The following ABL1 variants were observed in gnomAD, a reference collection of about 807,000 sequenced individuals.
ABL1 encodes tyrosine-protein kinase ABL1.
Under a neutral mutation model 94.7 loss-of-function variants are expected in ABL1, and 11 were observed. The observed-to-expected ratio is 0.12, with a 90% confidence interval of 0.07 to 0.19. The LOEUF (loss-of-function observed/expected upper bound fraction) is 0.19. ABL1 is among the 10% of genes least tolerant of loss of function. The probability of loss-of-function intolerance (pLI) is 1.00; values close to 1 mark genes in which losing one functional copy is unlikely to be tolerated. For missense variants in ABL1, 1,082 were observed against 1,489.4 expected (o/e 0.73, Z 4.50); for synonymous variants, 656 against 622.4 (o/e 1.05, Z -0.80).
chr9:130,812,200 CAAAAAAAA>C (rs35352789), intron 1 of ABL1, among the ~76,000 whole-genome samples: 18 of 48,766 alleles, frequency 3.7e-4, no homozygotes, highest in Non-Finnish European at 7.2e-4. Context: ...TCCATCTCTA[CAAAAAAAA>C]AAAAAAAAAA....
At chr9:130,831,765 T>C (rs972433236), upstream of ABL1, among the ~76,000 whole-genome samples, 4 of 151,936 alleles carry the variant, frequency 2.6e-5, no homozygotes, top group Non-Finnish European at 5.9e-5. Flanking sequence ...TGTACCACCA[T>C]GCCTGGCTAA....
At chr9:130,764,505 C>T (rs1200983250) in intron 1 of ABL1, among the ~76,000 whole-genome samples, 1 of 152,190 alleles carries the variant, frequency 6.6e-6, no homozygotes, top group Non-Finnish European at 1.5e-5. Flanking sequence ...GCATCAGATT[C>T]TCCTTCTGAT....
At chr9:130,731,870 A>G (rs976376141) in intron 1 of ABL1, among the ~76,000 whole-genome samples, 1 of 151,990 alleles carries the variant, frequency 6.6e-6, no homozygotes, top group Non-Finnish European at 1.5e-5. Context: ...ATAATAGAAT[A>G]TAAAGAATTC....
At chr9:130,722,776 A>G (rs1831532741) in intron 1 of ABL1, among the ~76,000 whole-genome samples, 1 of 152,240 alleles carries the variant, frequency 6.6e-6, no homozygotes, top group Admixed American at 6.5e-5. Context: ...ATAGAAGAAA[A>G]CAGAAGTTTC....
Position 130,885,162 on chromosome 9 carries a change from C to T in ABL1, c.2872C>T (p.Pro958Ser), listed in dbSNP as rs975268893. ...CCAGCCGGGAGAGGGCCTCAAAAAG[C>T]CCGTGCTCCCGGCCACTCCAAAGCC... ...PSQPGEGLKK[P>S]VLPATPKPQS... Residue 958 changes from proline to serine, a missense_variant, in exon 11 of 11, where the codon CCC (proline) becomes TCC (serine). Around this residue, in one of 7 missense-constraint regions of ABL1, gnomAD observed 780 missense variants for 835.8 expected, o/e 0.93. Transcript: ENST00000318560. The T allele has an allele frequency of 1.2e-6, 2 of 1,613,132 alleles. No homozygotes were observed. Among genetic ancestry groups the T allele is most frequent in the African/African-American group, 1.3e-5 (1 of 74,934 alleles).
At chr9:130,755,823 A>G (rs1026146199) in intron 1 of ABL1, among the ~76,000 whole-genome samples, 3 of 152,218 alleles carry the variant, frequency 2.0e-5, no homozygotes, top group Non-Finnish European at 4.4e-5. Context: ...TCCAGAGATC[A>G]GGGCTGTGAC....
chr9:130,714,453 A>T, exon 1 of ABL1: 1 of 1,614,228 alleles, frequency 6.2e-7, no homozygotes, highest in Non-Finnish European at 8.5e-7. Flanking sequence ...TTTGTGGAAC[A>T]TGGTGAGTGC....
intron 1 of ABL1, among the ~76,000 whole-genome samples, chr9:130,806,154 A>C (rs2132840792): frequency 6.6e-6 from 1 of 152,314 alleles, no homozygotes; most frequent in Non-Finnish European, 1.5e-5. Context: ...ACCAGATGCC[A>C]CCAGGTAGAA....
chr9:130,869,569 C>G (rs1831217692), intron 4 of ABL1, among the ~76,000 whole-genome samples: 1 of 152,224 alleles, frequency 6.6e-6, no homozygotes, highest in Non-Finnish European at 1.5e-5. Context: ...CCTCGTCAGT[C>G]CGTGCAAAGA....
chr9:130,748,609 TC>T, intron 1 of ABL1, among the ~76,000 whole-genome samples: 1 of 151,658 alleles, frequency 6.6e-6, no homozygotes, highest in East Asian at 1.9e-4. Context: ...GGAGTCTTGC[TC>T]TGTCGCCCAC....
At chr9:130,801,079 G>A (rs150051927) in intron 1 of ABL1, among the ~76,000 whole-genome samples, 41 of 151,924 alleles carry the variant, frequency 2.7e-4, no homozygotes, top group African/African-American at 9.4e-4. Context: ...ACAGGGGCCC[G>A]CCACCACACC....
chr9:130,752,925 C>G (rs1831984347), intron 1 of ABL1, among the ~76,000 whole-genome samples: 1 of 148,924 alleles, frequency 6.7e-6, no homozygotes, highest in East Asian at 2.0e-4. Flanking sequence ...CGCCATTGCA[C>G]TCCAGCCTGG....
In ABL1 at chr9:130,872,339, C is replaced by T. The variant is rs78009095; in HGVS notation, c.907+126C>T. On this transcript the variant is annotated intron_variant, in intron 5 of 10. Coordinates refer to ENST00000318560, the MANE Select transcript of ABL1 (RefSeq NM_005157.6). The surrounding 1 kb of genome is among the most constrained non-coding windows in gnomAD (Gnocchi z 5.0). ...CGTTGGAATATTTGTGCTCTGCCGA[C>T]GTTCAGCCGCGGGTAAAATGAGGCC... The T allele has an allele frequency of 2.8e-5, 23 of 814,978 alleles. No individual in the cohort carries two copies. In the East Asian group the frequency reaches 3.0e-4, roughly 11 times the overall value. 50.5% of individuals were successfully genotyped at this position (814,978 alleles called of 1,614,324 possible). A position where few individuals can be genotyped will look rare whatever the true frequency, so the allele number is the denominator to read the frequency against.
At chr9:130,813,547 C>G (rs1830240355) in intron 1 of ABL1, among the ~76,000 whole-genome samples, 2 of 110,400 alleles carry the variant, frequency 1.8e-5, no homozygotes, top group Non-Finnish European at 3.3e-5. Context: ...GCTGAGAGAG[C>G]GAGACTCCAT....
In ABL1 at chr9:130,862,777, C is replaced by T. The variant is rs1217127851; in HGVS notation, c.564C>T (p.Ser188=). 1.5e-5 allele frequency: 25 copies of T among 1,613,800 alleles called. No homozygotes were observed. The highest frequency in any genetic ancestry group is 1.9e-5 in the Non-Finnish European group (22 of 1,179,972). The change falls in exon 4 of 11, where the codon TCC becomes TCT. Residue 188 remains serine (S), a synonymous_variant. Coordinates refer to ENST00000318560, the MANE Select transcript of ABL1 (RefSeq NM_005157.6). This position sits in a 1 kb window ranked among gnomAD's most constrained non-coding sequence, Gnocchi z 5.5. Reference sequence around the variant, plus strand: ...GTTTCCTTCAGCTCTACGTCTCCTCCGAGAGCCGCTTCAACACCCTGGCCG... The same window carrying T: ...GTTTCCTTCAGCTCTACGTCTCCTCTGAGAGCCGCTTCAACACCCTGGCCG... The part of the protein sequence containing the change: ...TASDGKLYVS[S]ESRFNTLAEL...
At chr9:130,868,814 T>C (rs1831202864) in intron 4 of ABL1, among the ~76,000 whole-genome samples, 1 of 152,086 alleles carries the variant, frequency 6.6e-6, no homozygotes, top group African/African-American at 2.4e-5. Flanking sequence ...ACAGTGTTCT[T>C]TTTCATGCTG....
intron 1 of ABL1, among the ~76,000 whole-genome samples, chr9:130,785,210 T>C (rs1829810982): frequency 6.6e-6 from 1 of 152,218 alleles, no homozygotes; most frequent in Non-Finnish European, 1.5e-5. Context: ...CCCAGTGTGC[T>C]GATTTTCACT....
intron 1 of ABL1, among the ~76,000 whole-genome samples, chr9:130,812,180 CA>C (rs1197187694): frequency 4.0e-5 from 5 of 124,384 alleles, no homozygotes; most frequent in African/African-American, 6.2e-5. Context: ...CTTTGGAAGC[CA>C]AGTGAGACTC....
intron 1 of ABL1, among the ~76,000 whole-genome samples, chr9:130,747,225 A>G (rs1242769007): frequency 1.3e-5 from 2 of 152,124 alleles, no homozygotes; most frequent in African/African-American, 4.8e-5. Context: ...AAATATTTTT[A>G]AAATTAGTTG....
Sources: gnomAD v4.1 joint callset for allele counts (sites outside exome capture counted in the v4.1 genomes callset) on GRCh38, gnomAD v4.1.1 for gene constraint, gnomAD v4.1.1 regional missense constraint, Gnocchi (gnomAD v3.1) non-coding constraint, MANE v1.5 for transcripts, NCBI Gene and HGNC (gene_info 2026-07-23, HGNC 2026-07-21) for gene names.